PRKCH: variants seen among roughly 807,000 people sequenced by gnomAD.
PRKCH encodes the protein protein kinase C eta type.
PRKCH carries 28 observed loss-of-function variants against 82.5 expected under a neutral mutation model. The ratio of observed to expected loss-of-function variants is 0.34; its 90% CI spans 0.25 to 0.47. The LOEUF (loss-of-function observed/expected upper bound fraction) is 0.47, where lower values mean the gene tolerates loss of function less well. Ranked by LOEUF, PRKCH falls within the 20% of genes least tolerant of loss-of-function variation. The pLI, the probability that PRKCH is intolerant of heterozygous loss-of-function variation, is 1.00. For synonymous variants in PRKCH, 322 were observed against 327.4 expected, an observed-to-expected ratio of 0.98 and a Z score of 0.18; for missense variants, 705 against 881.8, an observed-to-expected ratio of 0.80 and a Z score of 2.54.
chr14:61,192,753 T>C (rs938480223), intron 1 of PRKCH, among the ~76,000 whole-genome samples: 2 of 152,194 alleles, frequency 1.3e-5, no homozygotes, highest in Non-Finnish European at 2.9e-5. Flanking sequence ...GCCAACCAAA[T>C]GTTGATAAGG....
intron 1 of PRKCH, among the ~76,000 whole-genome samples, chr14:61,282,309 T>C (rs1594890210): frequency 1.3e-5 from 2 of 149,594 alleles, no homozygotes; most frequent in Admixed American, 1.3e-4. Flanking sequence ...TGGTAAAACA[T>C]ATACAAGGGG....
chr14:61,477,442 A>G (rs973306244), intron 9 of PRKCH, among the ~76,000 whole-genome samples: 5 of 152,194 alleles, frequency 3.3e-5, no homozygotes, highest in Non-Finnish European at 5.9e-5. Context: ...TGCAGTCTTT[A>G]AATCATAGAG....
At chr14:61,430,626 T>C (rs1883340584) in intron 2 of PRKCH, among the ~76,000 whole-genome samples, 1 of 152,146 alleles carries the variant, frequency 6.6e-6, no homozygotes, top group African/African-American at 2.4e-5. Flanking sequence ...CACAGGAATG[T>C]CAGGCAACCA....
intron 2 of PRKCH, among the ~76,000 whole-genome samples, chr14:61,402,024 T>C (rs926264124): frequency 2.6e-5 from 4 of 152,234 alleles, no homozygotes; most frequent in Admixed American, 6.5e-5. Flanking sequence ...CTTCAAAACA[T>C]AATTCGAATT....
chr14:61,223,234 G>C (rs1479282481), intron 1 of PRKCH, among the ~76,000 whole-genome samples: 1 of 152,154 alleles, frequency 6.6e-6, no homozygotes, highest in Non-Finnish European at 1.5e-5. Flanking sequence ...ACAACACTGG[G>C]AGAGACTTCA....
rs1364092697 is a variant in PRKCH at position 61,280,426 on chromosome 14, T to C, written c.-19+92758T>C. 6.8e-6 allele frequency: 11 copies of C among 1,613,816 alleles called. No homozygotes were observed. Among genetic ancestry groups the C allele is most frequent in the Non-Finnish European group, 8.5e-6 (10 of 1,179,862 alleles). On this transcript the variant is annotated intron_variant, in intron 1 of 3. Transcript: ENST00000555185. This position sits in a 1 kb window ranked among gnomAD's most constrained non-coding sequence, Gnocchi z 5.0. ...GTCCTGATTGATGAAGCCGGTGTTG[T>C]TGGGGTCGGGGCTGAGCTCGTAGAC... is the stretch of plus-strand genomic sequence containing the variant.
chr14:61,485,593 G>T lies in PRKCH; in HGVS notation c.1370G>T (p.Arg457Leu). The change falls in exon 10 of 14, where the codon CGC becomes CTC. Residue 457 changes from arginine (R) to leucine (L), a missense_variant. Transcript: ENST00000332981. Reference protein sequence around the residue: ...KSRRFDEARARFYAAEIISAL... With the variant: ...KSRRFDEARALFYAAEIISAL... ...CGTCGTTTTGATGAAGCACGAGCTC[G>T]CTTCTATGCTGCAGAAATCATTTCG... is the stretch of plus-strand genomic sequence containing the variant. The T allele has an allele frequency of 6.2e-7, 1 of 1,614,140 alleles. No homozygotes were observed. Among genetic ancestry groups the T allele is most frequent in the Non-Finnish European group, 8.5e-7 (1 of 1,180,022 alleles).
At chr14:61,499,514 C>G (rs896117474) in intron 10 of PRKCH, among the ~76,000 whole-genome samples, 1 of 152,054 alleles carries the variant, frequency 6.6e-6, no homozygotes, top group Non-Finnish European at 1.5e-5. Context: ...ACATCTTGCT[C>G]CTCCCTTTTC....
chr14:61,488,038 A>G (rs1377847938), intron 10 of PRKCH, among the ~76,000 whole-genome samples: 1 of 152,080 alleles, frequency 6.6e-6, no homozygotes, highest in Non-Finnish European at 1.5e-5. Context: ...CTGTAGTCCC[A>G]GCTACTCGGG....
intron 9 of PRKCH, among the ~76,000 whole-genome samples, chr14:61,462,758 G>A (rs1326564107): frequency 2.0e-5 from 3 of 152,096 alleles, no homozygotes; most frequent in Non-Finnish European, 4.4e-5. Context: ...ATTTAGGAGT[G>A]AGAGGGGGTG....
At chr14:61,193,530 TA>T (rs200592851) in intron 1 of PRKCH, among the ~76,000 whole-genome samples, 48 of 148,454 alleles carry the variant, frequency 3.2e-4, no homozygotes, top group African/African-American at 7.4e-4. Flanking sequence ...TTTAGAATAT[TA>T]AAAAAAAAAC....
chr14:61,363,547 C>T (rs920460094), intron 1 of PRKCH, among the ~76,000 whole-genome samples: 6 of 152,060 alleles, frequency 3.9e-5, no homozygotes, highest in Non-Finnish European at 7.4e-5. Context: ...CATTTTGAAC[C>T]TGGGGAATAT....
intron 10 of PRKCH, among the ~76,000 whole-genome samples, chr14:61,513,780 A>G (rs1314096697): frequency 2.0e-5 from 3 of 152,032 alleles, no homozygotes; most frequent in Non-Finnish European, 4.4e-5. Context: ...CTTTTACCTC[A>G]CCATGGGTCA....
chr14:61,394,530 G>T (rs2046741471), intron 2 of PRKCH, among the ~76,000 whole-genome samples: 1 of 152,152 alleles, frequency 6.6e-6, no homozygotes, highest in Non-Finnish European at 1.5e-5. Context: ...TCTCATTCGA[G>T]CTGAATCAAC....
At chr14:61,376,125 G>A (rs1228482776) in intron 1 of PRKCH, among the ~76,000 whole-genome samples, 1 of 150,546 alleles carries the variant, frequency 6.6e-6, no homozygotes, top group Non-Finnish European at 1.5e-5. Flanking sequence ...ACCTAATTCA[G>A]TCTCCAGATG....
chr14:61,397,318 C>CTTTGGACAAGTGGAGT (rs2046800691), intron 2 of PRKCH, among the ~76,000 whole-genome samples: 1 of 152,144 alleles, frequency 6.6e-6, no homozygotes, highest in South Asian at 2.1e-4. Flanking sequence ...ATGAATCCAG[C>CTTTGGACAAGTGGAGT]TTTGGACAAG....
intron 9 of PRKCH, among the ~76,000 whole-genome samples, chr14:61,462,314 C>T (rs145833236): frequency 0.023 from 3,487 of 152,150 alleles, 146 homozygotes; most frequent in African/African-American, 0.08. Context: ...CGCTGGAACC[C>T]GGGAGGCAGA....
chr14:61,452,959 A>T (rs1353457257), intron 6 of PRKCH: 2 of 466,080 alleles, frequency 4.3e-6, no homozygotes, highest in Non-Finnish European at 7.6e-6. Flanking sequence ...GATTTAGATG[A>T]ATGGGTTTCA....
In PRKCH at chr14:61,230,478, A is replaced by G. The variant is rs114236775; in HGVS notation, c.-19+42810A>G. Among the ~76,000 whole-genome samples, 1,243 of 152,328 alleles carry G rather than the reference A, an allele frequency of 8.2e-3. 18 individuals are homozygous for G. Among genetic ancestry groups the G allele is most frequent in the African/African-American group, 0.029 (1,188 of 41,574 alleles). On this transcript the variant is annotated intron_variant, in intron 1 of 3. Coordinates refer to the PRKCH transcript ENST00000555185. ...AAGGGAAAAACTGTAATGTGCATTT[A>G]GTCCTCAAATGCAATAATACCTGAA...
Sources: gnomAD v4.1 joint callset for allele counts (sites outside exome capture counted in the v4.1 genomes callset) on GRCh38, gnomAD v4.1.1 for gene constraint, Gnocchi (gnomAD v3.1) non-coding constraint, MANE v1.5 for transcripts, NCBI Gene and HGNC (gene_info 2026-07-23, HGNC 2026-07-21) for gene names.